The following ABCC4 variants were observed in gnomAD, a reference collection of about 807,000 sequenced individuals.
ABCC4 encodes ATP binding cassette subfamily C member 4 (PEL blood group), also known as ATP-binding cassette sub-family C member 4.
In ABCC4, 102 loss-of-function variants were observed where a neutral mutation model predicts 168.5. The observed-to-expected ratio is 0.61, with a 90% CI of 0.52 to 0.71. The LOEUF (loss-of-function observed/expected upper bound fraction) is 0.71, where lower values mean the gene tolerates loss of function less well. ABCC4 is among the 30% of genes least tolerant of loss of function. ABCC4 has a pLI of 0.00. For missense variants in ABCC4, 1,402 were observed against 1,605.8 expected (o/e 0.87, Z 2.17); for synonymous variants, 617 against 590.7 (o/e 1.04, Z -0.65).
At chr13:95,101,011 C>T (rs1175595170) in intron 20 of ABCC4, among the ~76,000 whole-genome samples, 2 of 152,166 alleles carry the variant, frequency 1.3e-5, no homozygotes, top group African/African-American at 2.4e-5. Context: ...CACTCTTTTG[C>T]TTCTATAAAA....
At chr13:95,028,675 G>A (rs924152703) in intron 30 of ABCC4, among the ~76,000 whole-genome samples, 42 of 151,982 alleles carry the variant, frequency 2.8e-4, no homozygotes, top group African/African-American at 8.7e-4. Context: ...AAGAAGCAAC[G>A]AGAAAAACCA....
intron 1 of ABCC4, chr13:95,269,471 G>C (rs2040785960): frequency 5.9e-6 from 1 of 169,220 alleles, no homozygotes; most frequent in African/African-American, 2.4e-5. Context: ...ACACAACATT[G>C]ATCAAGATTT....
intron 18 of ABCC4, among the ~76,000 whole-genome samples, chr13:95,162,461 G>A (rs1367344550): frequency 6.6e-6 from 1 of 152,192 alleles, no homozygotes; most frequent in Non-Finnish European, 1.5e-5. Flanking sequence ...TGAAAACAGA[G>A]TGTGGCGTTA....
chr13:95,083,357 T>C, intron 20 of ABCC4, 67 bp from the exon 21 acceptor site: 2 of 1,564,590 alleles, frequency 1.3e-6, no homozygotes, highest in Non-Finnish European at 1.7e-6. Context: ...CTTGCATGAG[T>C]TGTTGTTAGG....
intron 1 of ABCC4, among the ~76,000 whole-genome samples, chr13:95,282,216 C>T (rs1440995922): frequency 6.6e-6 from 1 of 151,770 alleles, no homozygotes; most frequent in Non-Finnish European, 1.5e-5. Context: ...AACATGCGAA[C>T]TTTGGGGGGA....
intron 20 of ABCC4, among the ~76,000 whole-genome samples, chr13:95,099,155 A>C (rs912197309): frequency 5.3e-5 from 8 of 152,250 alleles, no homozygotes; most frequent in African/African-American, 1.9e-4. Context: ...TGTTGATGTC[A>C]TCATACAATG....
chr13:95,158,347 T>C (rs970343635), intron 19 of ABCC4, among the ~76,000 whole-genome samples: 1 of 152,116 alleles, frequency 6.6e-6, no homozygotes, highest in Non-Finnish European at 1.5e-5. Context: ...GACATTTCTA[T>C]GCTGCAGACC....
At chr13:95,173,317 G>A (rs1189458) in intron 13 of ABCC4, among the ~76,000 whole-genome samples, 86,256 of 152,108 alleles carry the variant, frequency 0.57, 24,542 homozygotes, top group Admixed American at 0.6. Flanking sequence ...TCATGCATTC[G>A]CAGTCTAGTG....
chr13:95,296,226 G>A (rs2041532901), intron 1 of ABCC4, among the ~76,000 whole-genome samples: 1 of 150,964 alleles, frequency 6.6e-6, no homozygotes, highest in African/African-American at 2.4e-5. Context: ...GCTCATTCCT[G>A]TAATCCCAAC....
intron 8 of ABCC4, among the ~76,000 whole-genome samples, chr13:95,195,351 C>T (rs1020620406): frequency 1.4e-4 from 21 of 152,118 alleles, no homozygotes; most frequent in Admixed American, 2.0e-4. Flanking sequence ...CCAAGCCCCG[C>T]GCTAGATGCT....
At chr13:95,206,924 A>C in intron 7 of ABCC4, 143 bp from the exon 8 acceptor site, 1 of 897,284 alleles carries the variant, frequency 1.1e-6, no homozygotes, top group Admixed American at 2.3e-5. Flanking sequence ...CAACAACAAC[A>C]AAAAAGTGCA....
chr13:95,109,254 T>C (rs2035118421), intron 20 of ABCC4, among the ~76,000 whole-genome samples: 1 of 152,214 alleles, frequency 6.6e-6, no homozygotes, highest in Non-Finnish European at 1.5e-5. Flanking sequence ...CCCTTCTTTT[T>C]ACAGGACCTA....
At position 95,177,729 on chromosome 13, in the gene ABCC4, C is replaced by A; in HGVS notation, c.1705G>T (p.Val569Phe). The part of the protein sequence containing the change: ...DDPLSAVDAE[V>F]SRHLFELCIC... ...CACAGTTCGAACAAGTGTCTGCTAA[C>A]TTCCGCATCTACTGCACTGAGAGGA... Residue 569 changes from valine (V) to phenylalanine (F), a missense_variant, in exon 13 of 31, where the codon GTT (valine) becomes TTT (phenylalanine). By Grantham distance (50) the Val-to-Phe change is conservative (BLOSUM62 -1). Around this residue, in one of 3 missense-constraint regions of ABCC4, gnomAD observed 1,007 missense variants for 1,127.3 expected, o/e 0.89. Coordinates refer to ENST00000645237, the MANE Select transcript of ABCC4 (RefSeq NM_005845.5). 6.2e-7 allele frequency: 1 copy of A among 1,610,990 alleles called. No homozygotes were observed. Among genetic ancestry groups the A allele is most frequent in the Non-Finnish European group, 8.5e-7 (1 of 1,177,402 alleles).
chr13:95,211,597 G>A (rs1024821640), intron 4 of ABCC4, among the ~76,000 whole-genome samples: 1 of 152,066 alleles, frequency 6.6e-6, no homozygotes, highest in Non-Finnish European at 1.5e-5. Flanking sequence ...GCTGAAACAG[G>A]TGAAGCTTAT....
At chr13:95,188,657 C>T in intron 9 of ABCC4, 115 bp from the exon 10 acceptor site, 1 of 795,934 alleles carries the variant, frequency 1.3e-6, no homozygotes, top group Non-Finnish European at 2.0e-6. Flanking sequence ...CCAAATCTTT[C>T]TCCTTCCTAT....
At chr13:95,213,126 T>A (rs1394371319) in intron 4 of ABCC4, among the ~76,000 whole-genome samples, 1 of 147,866 alleles carries the variant, frequency 6.8e-6, no homozygotes, top group African/African-American at 2.5e-5. Flanking sequence ...GATTCCATCT[T>A]AAAAAAAAAA....
At chr13:95,027,269 A>T (rs1360799891) in intron 30 of ABCC4, among the ~76,000 whole-genome samples, 2 of 151,548 alleles carry the variant, frequency 1.3e-5, no homozygotes, top group East Asian at 1.9e-4. Context: ...TTTTTTTTTT[A>T]AACTGCCACC....
chr13:95,268,919 G>A (rs2040763899), intron 1 of ABCC4, among the ~76,000 whole-genome samples: 1 of 152,026 alleles, frequency 6.6e-6, no homozygotes, highest in South Asian at 2.1e-4. Context: ...TCTATACTTT[G>A]TCTCTGTGTC....
intron 18 of ABCC4, 89 bp downstream of exon 18, chr13:95,163,033 G>A: frequency 1.2e-6 from 1 of 841,290 alleles, no homozygotes. Flanking sequence ...AGACATTACT[G>A]AATGACTCCT....
Sources: allele counts gnomAD v4.1 joint callset (sites outside exome capture counted in the v4.1 genomes callset), GRCh38; gene constraint gnomAD v4.1.1; regional missense constraint gnomAD v4.1.1; transcripts MANE v1.5; gene names NCBI Gene and HGNC (gene_info 2026-07-23, HGNC 2026-07-21).